Variants in ARL15 observed in about 807,000 individuals in gnomAD.
ARL15 encodes the protein ADP-ribosylation factor-like protein 15.
Under a neutral mutation model 25.2 loss-of-function variants are expected in ARL15, and 19 were observed. The observed-to-expected ratio is 0.75, with a 90% CI of 0.53 to 1.10. The LOEUF (loss-of-function observed/expected upper bound fraction) is 1.10, where lower values mean the gene tolerates loss of function less well. ARL15 is among the 50% of genes least tolerant of loss of function. The pLI, the probability that ARL15 is intolerant of heterozygous loss-of-function variation, is 0.00. For missense variants in ARL15, 220 were observed against 246.0 expected (o/e 0.89, Z 0.71); for synonymous variants, 94 against 86.8 (o/e 1.08, Z -0.46).
intron 4 of ARL15, among the ~76,000 whole-genome samples, chr5:53,954,013 T>G (rs866070838): frequency 7.9e-5 from 12 of 152,034 alleles, no homozygotes; most frequent in African/African-American, 2.9e-4. Context: ...AACCTGAGAT[T>G]ATTGATTTTC....
chr5:54,201,910 A>G (rs1390981852), intron 1 of ARL15, among the ~76,000 whole-genome samples: 1 of 152,180 alleles, frequency 6.6e-6, no homozygotes, highest in East Asian at 1.9e-4. Flanking sequence ...AAAATTATAT[A>G]GGGATAAAAA....
In ARL15 at chr5:54,026,016, CATTTTT is replaced by C. The variant is rs538740740; in HGVS notation, c.462+87180_462+87185del. On this transcript the variant is annotated intron_variant, in intron 4 of 4. Transcript: ENST00000504924. ...AAAACAAACCAAGAAAACCTAAATA[CATTTTT>C]AGTACCAAGGTGATGACCATTTATC... Among the ~76,000 whole-genome samples the C allele has an allele frequency of 9.9e-5, 15 of 152,280 alleles. No homozygotes were observed. The South Asian group carries it at 2.9e-3, about 29-fold the overall frequency.
chr5:54,068,798 T>C (rs1259421493), intron 4 of ARL15, among the ~76,000 whole-genome samples: 2 of 152,212 alleles, frequency 1.3e-5, no homozygotes, highest in East Asian at 3.9e-4. Flanking sequence ...ATATTGGTTT[T>C]ATTTGTTGAA....
At chr5:54,069,615 A>G (rs1026218564) in intron 4 of ARL15, among the ~76,000 whole-genome samples, 12 of 151,044 alleles carry the variant, frequency 7.9e-5, no homozygotes. Flanking sequence ...AATCCCAAAT[A>G]TAACAGCATT....
At chr5:54,165,308 G>C (rs1754531050) in intron 2 of ARL15, among the ~76,000 whole-genome samples, 1 of 151,722 alleles carries the variant, frequency 6.6e-6, no homozygotes, top group Non-Finnish European at 1.5e-5. Context: ...TGCATTTCTG[G>C]CAGTCTCCAT....
intron 4 of ARL15, among the ~76,000 whole-genome samples, chr5:53,999,823 A>T (rs2111713993): frequency 6.6e-6 from 1 of 152,132 alleles, no homozygotes; most frequent in African/African-American, 2.4e-5. Flanking sequence ...CTGAACCGGG[A>T]GGTGGAGGTT....
chr5:53,940,445 G>T (rs2112083215), intron 4 of ARL15, among the ~76,000 whole-genome samples: 1 of 152,310 alleles, frequency 6.6e-6, no homozygotes, highest in Non-Finnish European at 1.5e-5. Context: ...GAGATTAAGA[G>T]TAGTAATCAA....
At chr5:54,255,767 C>T (rs149562177) in intron 1 of ARL15, among the ~76,000 whole-genome samples, 29 of 152,192 alleles carry the variant, frequency 1.9e-4, no homozygotes, top group Admixed American at 7.2e-4. Context: ...TACTTTCAAA[C>T]GCTCAAAACT....
chr5:54,113,215 C>T lies in ARL15; in HGVS notation c.449G>A (p.Arg150His), dbSNP rs772906106. The T allele has an allele frequency of 9.3e-6, 15 of 1,613,498 alleles. 1 individual carries two copies. The highest frequency in any genetic ancestry group is 3.3e-5 in the South Asian group (3 of 91,052). Residue 150 changes from arginine to histidine, a missense_variant, in exon 4 of 5, where the codon CGC becomes CAC. Transcript: ENST00000504924. ...LANHQDKPAA[R>H]SVQEIKKYFE... ...AATGAGACATACCTCTTGTACTGAG[C>T]GAGCTGCTGGCTTGTCTTGATGATT...
At chr5:54,267,313 G>A (rs941014729) in intron 1 of ARL15, among the ~76,000 whole-genome samples, 3 of 152,084 alleles carry the variant, frequency 2.0e-5, no homozygotes, top group African/African-American at 7.2e-5. Context: ...GGACGGTCTC[G>A]ATCTCCCGAC....
rs553028563 is a variant in ARL15, at chr5:54,179,974, C to T, written c.49-8046G>A. ...CTGAGGTTGCAGTGAGCTGAGATCG[C>T]GCCACTGCTCTCCAGCCTGGGTGAC... is the stretch of plus-strand genomic sequence containing the variant. On this transcript the variant is annotated intron_variant, in intron 1 of 4. Coordinates refer to ENST00000504924, the MANE Select transcript of ARL15 (RefSeq NM_019087.3). Among the ~76,000 whole-genome samples, 762 of 146,710 alleles carry T rather than the reference C, an allele frequency of 5.2e-3. 5 individuals are homozygous for T. The highest frequency in any genetic ancestry group is 9.5e-3 in the Non-Finnish European group (640 of 67,350).
intron 4 of ARL15, among the ~76,000 whole-genome samples, chr5:54,071,075 T>G (rs1466809530): frequency 6.6e-6 from 1 of 150,928 alleles, no homozygotes; most frequent in African/African-American, 2.4e-5. Context: ...GAGGCTGAGG[T>G]GCAAGGATCT....
At chr5:54,145,499 G>A (rs1753877857) in intron 3 of ARL15, among the ~76,000 whole-genome samples, 1 of 152,112 alleles carries the variant, frequency 6.6e-6, no homozygotes, top group South Asian at 2.1e-4. Flanking sequence ...TTGTCGAGTT[G>A]CCATTCCATT....
At chr5:54,070,058 T>C (rs956649593) in intron 4 of ARL15, among the ~76,000 whole-genome samples, 3 of 151,278 alleles carry the variant, frequency 2.0e-5, no homozygotes, top group African/African-American at 7.3e-5. Context: ...TGGATTATCA[T>C]GGGAGTGGTT....
intron 4 of ARL15, among the ~76,000 whole-genome samples, chr5:53,948,400 T>C (rs1447434309): frequency 6.6e-6 from 1 of 152,224 alleles, no homozygotes; most frequent in Admixed American, 6.5e-5. Context: ...AACTGATAGG[T>C]CTTGTAAAAT....
rs116495981 is a variant in ARL15 at position 54,073,133 on chromosome 5, C to A, written c.462+40069G>T. 9.3e-4 allele frequency among the ~76,000 whole-genome samples: 141 copies of A among 152,272 alleles called. 1 individual carries two copies. Among genetic ancestry groups the A allele is most frequent in the South Asian group, 2.3e-3 (11 of 4,826 alleles). On this transcript the variant is annotated intron_variant, in intron 4 of 4. Transcript: ENST00000504924. Reference sequence around the variant, plus strand: ...AACATATAACTGTAACCATACTGAACAGTTGATTATAGAACGACATGTCAG... The same window carrying A: ...AACATATAACTGTAACCATACTGAAAAGTTGATTATAGAACGACATGTCAG...
chr5:54,056,269 T>A (rs1367256346), intron 4 of ARL15, among the ~76,000 whole-genome samples: 1 of 152,034 alleles, frequency 6.6e-6, no homozygotes, highest in Non-Finnish European at 1.5e-5. Flanking sequence ...CCAATAGTGG[T>A]AGCCATTATT....
intron 3 of ARL15, among the ~76,000 whole-genome samples, chr5:54,135,887 C>G (rs1041766745): frequency 7.9e-5 from 12 of 152,214 alleles, no homozygotes; most frequent in African/African-American, 2.9e-4. Context: ...GCATACCCAA[C>G]TTTCCTGACA....
intron 4 of ARL15, among the ~76,000 whole-genome samples, chr5:54,107,142 C>T (rs893527851): frequency 1.3e-5 from 2 of 151,992 alleles, no homozygotes; most frequent in African/African-American, 4.8e-5. Flanking sequence ...GGGGCTAAAG[C>T]GGAACCCCGT....
Sources: gnomAD v4.1 joint callset for allele counts (sites outside exome capture counted in the v4.1 genomes callset) on GRCh38, gnomAD v4.1.1 for gene constraint, MANE v1.5 for transcripts, NCBI Gene and HGNC (gene_info 2026-07-23, HGNC 2026-07-21) for gene names.